KCNJ6: variants seen among roughly 807,000 people sequenced by gnomAD.
The protein encoded by KCNJ6 is potassium inwardly rectifying channel subfamily J member 6.
A neutral mutation model predicts 34.2 loss-of-function variants in KCNJ6; 9 were observed. The observed-to-expected ratio is 0.26, with a 90% CI of 0.16 to 0.46. The LOEUF (loss-of-function observed/expected upper bound fraction) is 0.46. Among genes scored for constraint, KCNJ6 ranks in the 20% least tolerant of loss-of-function variants. The pLI is 1.00. For synonymous variants in KCNJ6, 196 were observed against 207.1 expected (o/e 0.95, Z 0.46); for missense variants, 236 against 531.3 (o/e 0.44, Z 5.46).
At chr21:37,679,719 C>T (rs904241642) in intron 3 of KCNJ6, among the ~76,000 whole-genome samples, 1 of 152,106 alleles carries the variant, frequency 6.6e-6, no homozygotes, top group African/African-American at 2.4e-5. Context: ...TTTGACTGAC[C>T]TTCACCGAGG....
At chr21:37,681,313 AG>A (rs903290877) in intron 3 of KCNJ6, among the ~76,000 whole-genome samples, 29 of 152,276 alleles carry the variant, frequency 1.9e-4, no homozygotes, top group Non-Finnish European at 2.9e-5. Context: ...CTCTCAAATT[AG>A]GGGAGGAATT....
At chr21:37,818,919 GT>G (rs2055360904) in intron 2 of KCNJ6, among the ~76,000 whole-genome samples, 1 of 152,020 alleles carries the variant, frequency 6.6e-6, no homozygotes, top group Non-Finnish European at 1.5e-5. Context: ...GACTTCCAAG[GT>G]TTTTCAGGAA....
chr21:37,677,317 T>C (rs931815246), intron 3 of KCNJ6, among the ~76,000 whole-genome samples: 1 of 152,174 alleles, frequency 6.6e-6, no homozygotes, highest in Non-Finnish European at 1.5e-5. Flanking sequence ...TCCTGCCACA[T>C]ATGTGCAGCT....
intron 3 of KCNJ6, among the ~76,000 whole-genome samples, chr21:37,667,940 C>T (rs1411482892): frequency 6.6e-6 from 1 of 152,030 alleles, no homozygotes; most frequent in African/African-American, 2.4e-5. Context: ...CTCCAGGAGG[C>T]ATGCCAGAGC....
At chr21:37,785,412 C>T (rs1230146095) in intron 2 of KCNJ6, among the ~76,000 whole-genome samples, 1 of 152,190 alleles carries the variant, frequency 6.6e-6, no homozygotes, top group Non-Finnish European at 1.5e-5. Context: ...TCCAAAGGCT[C>T]ACCGTGATCC....
At chr21:37,893,632 CTT>C (rs550634250) in intron 1 of KCNJ6, among the ~76,000 whole-genome samples, 51 of 139,556 alleles carry the variant, frequency 3.7e-4, no homozygotes, top group African/African-American at 1.2e-3. Flanking sequence ...CTGGAGAAGC[CTT>C]TTTTTTTTTT....
chr21:37,914,026 T>C (rs1293171518), intron 1 of KCNJ6, among the ~76,000 whole-genome samples: 2 of 148,986 alleles, frequency 1.3e-5, no homozygotes. Context: ...TGTGTGTGTG[T>C]GTGTGTGTGT....
chr21:37,850,038 G>A (rs749467053), intron 1 of KCNJ6, among the ~76,000 whole-genome samples: 61 of 152,236 alleles, frequency 4.0e-4, no homozygotes, highest in Non-Finnish European at 7.6e-4. Context: ...GAATTTTCCA[G>A]AAGAATTTCT....
intron 1 of KCNJ6, among the ~76,000 whole-genome samples, chr21:37,860,047 A>G (rs114198980): frequency 0.01 from 1,567 of 152,142 alleles, 22 homozygotes; most frequent in African/African-American, 0.036. Flanking sequence ...CCAGAGTAAC[A>G]TGGCCCCAAG....
At position 37,709,518 on chromosome 21, in the gene KCNJ6, A is replaced by AAAAAAG. The variant is rs112508967; in HGVS notation, c.946+4692_946+4693insCTTTTT. Among the ~76,000 whole-genome samples, 533 of 145,790 alleles carry AAAAAAG rather than the reference A, an allele frequency of 3.7e-3. 4 individuals are homozygous for AAAAAAG. Among genetic ancestry groups the AAAAAAG allele is most frequent in the Middle Eastern group, 6.9e-3 (2 of 290 alleles). ...AACGAGAGCAAAACCCTGTCTCAAAAAAAAGAAAAGAAAAGAAAAGAAATA... is the reference window on the plus strand; with the variant it reads ...AACGAGAGCAAAACCCTGTCTCAAAAAAAAAGAAAAGAAAAGAAAAGAAAAGAAATA... On this transcript the variant is annotated intron_variant, in intron 3 of 3. Coordinates refer to ENST00000609713, the MANE Select transcript of KCNJ6 (RefSeq NM_002240.5).
At position 37,830,884 on chromosome 21, in the gene KCNJ6, C is replaced by T. The variant is rs544047017; in HGVS notation, c.25+9774G>A. Among the ~76,000 whole-genome samples, 8 of 152,316 alleles carry T rather than the reference C, an allele frequency of 5.3e-5. No homozygotes were observed. In the South Asian group the frequency reaches 1.7e-3, roughly 32 times the overall value. On this transcript the variant is annotated intron_variant, in intron 2 of 3. Transcript: ENST00000609713. ...CCAGTTAAATGCTTTAAGCCACATG[C>T]TCATTCTGGATATGGCAAGGGAGGG...
intron 3 of KCNJ6, among the ~76,000 whole-genome samples, chr21:37,648,873 T>C (rs1320099112): frequency 4.6e-5 from 7 of 152,082 alleles, no homozygotes; most frequent in Admixed American, 2.0e-4. Context: ...GGCTCATGCC[T>C]GTAATCCCAG....
intron 1 of KCNJ6, among the ~76,000 whole-genome samples, chr21:37,851,932 C>T (rs1228311549): frequency 6.6e-6 from 1 of 150,874 alleles, no homozygotes; most frequent in Admixed American, 6.6e-5. Flanking sequence ...TTATCCCTGA[C>T]TGGATACTGG....
intron 2 of KCNJ6, among the ~76,000 whole-genome samples, chr21:37,799,485 C>T (rs905350486): frequency 3.3e-5 from 5 of 152,060 alleles, no homozygotes; most frequent in Non-Finnish European, 7.4e-5. Context: ...TCTTTCACTC[C>T]GTTGAGCAAA....
intron 3 of KCNJ6, among the ~76,000 whole-genome samples, chr21:37,660,525 C>G (rs2054483347): frequency 6.6e-6 from 1 of 152,154 alleles, no homozygotes; most frequent in Non-Finnish European, 1.5e-5. Flanking sequence ...TGACCTTGCC[C>G]CTTCCATTCC....
chr21:37,728,176 A>G (rs556690574), intron 2 of KCNJ6, among the ~76,000 whole-genome samples: 5 of 152,368 alleles, frequency 3.3e-5, no homozygotes, highest in African/African-American at 1.2e-4. Flanking sequence ...GCTTGAGGAC[A>G]TTATGCTCAG....
chr21:37,722,250 T>TG (rs1439869396), intron 2 of KCNJ6, among the ~76,000 whole-genome samples: 1 of 152,088 alleles, frequency 6.6e-6, no homozygotes, highest in Non-Finnish European at 1.5e-5. Context: ...AGGAGGTGAA[T>TG]GATCTCTACA....
intron 1 of KCNJ6, among the ~76,000 whole-genome samples, chr21:37,897,815 G>T (rs958655204): frequency 2.4e-4 from 37 of 152,266 alleles, no homozygotes; most frequent in African/African-American, 8.2e-4. Context: ...ATTGTATTCT[G>T]TACCACCTGT....
intron 2 of KCNJ6, among the ~76,000 whole-genome samples, chr21:37,789,266 C>G (rs1218227036): frequency 6.6e-6 from 1 of 152,190 alleles, no homozygotes; most frequent in African/African-American, 2.4e-5. Context: ...AAGACTCAAC[C>G]CCCAGTGTGA....
Sources: gnomAD v4.1 joint callset for allele counts (sites outside exome capture counted in the v4.1 genomes callset) on GRCh38, gnomAD v4.1.1 for gene constraint, MANE v1.5 for transcripts, NCBI Gene and HGNC (gene_info 2026-07-23, HGNC 2026-07-21) for gene names.